ZNF469: variants seen among roughly 807,000 people sequenced by gnomAD.
ZNF469 encodes the protein zinc finger protein 469.
A neutral mutation model predicts 1.0 loss-of-function variants in ZNF469; 1 was observed. The ratio of observed to expected loss-of-function variants is 1.00; its 90% CI spans 0.35 to 4.73. ZNF469 has a LOEUF of 4.73. Among genes scored for constraint, ZNF469 ranks in the 30% most tolerant of loss-of-function variants. ZNF469 has a pLI of 0.16. For missense variants in ZNF469, 6,100 were observed against 5,356.3 expected, an observed-to-expected ratio of 1.14 and a Z score of -4.33; for synonymous variants, 2,703 against 2,363.4, an observed-to-expected ratio of 1.14 and a Z score of -4.17.
chr16:88,193,132 ATGG>A, the ZNF469 span, among the ~76,000 whole-genome samples: 14 of 14,556 alleles, frequency 9.6e-4, no homozygotes, highest in African/African-American at 2.9e-3. Flanking sequence ...GGTGGTGGTG[ATGG>A]TGGTGATGGT....
chr16:88,427,987 C>A lies in ZNF469; in HGVS notation c.517C>A (p.Pro173Thr). ...RPGLPRTEAQ[P>T]AAEELGFHRC... ...GGGCCTCCCAAGGACTGAGGCCCAA[C>A]CCGCCGCCGAAGAGCTTGGCTTCCA... is the stretch of plus-strand genomic sequence containing the variant. Residue 173 changes from proline (P) to threonine (T), a missense_variant, in exon 3 of 3, where the codon CCC (proline) becomes ACC (threonine). Transcript: ENST00000565624. 6.5e-7 allele frequency: 1 copy of A among 1,550,016 alleles called. No individual in the cohort carries two copies. Among genetic ancestry groups the A allele is most frequent in the Non-Finnish European group, 8.7e-7 (1 of 1,146,890 alleles).
chr16:88,210,141 GTGATAT>G, the ZNF469 span, among the ~76,000 whole-genome samples: 1 of 152,098 alleles, frequency 6.6e-6, no homozygotes, highest in Admixed American at 6.5e-5. Context: ...TCTGTTTTGA[GTGATAT>G]TGAGCCATTT....
the ZNF469 span, among the ~76,000 whole-genome samples, chr16:88,218,805 T>TTTATTGAA: frequency 0.014 from 2,076 of 151,514 alleles, 39 homozygotes; most frequent in South Asian, 0.052. Flanking sequence ...AGGTATTCAA[T>TTTATTGAA]TAGGAAAAGA....
At chr16:88,321,127 C>T in the ZNF469 span, among the ~76,000 whole-genome samples, 5 of 152,242 alleles carry the variant, frequency 3.3e-5, no homozygotes, top group African/African-American at 1.2e-4. Context: ...CCGGGGATGC[C>T]GCAGGGACCA....
chr16:88,121,390 G>A, the ZNF469 span, among the ~76,000 whole-genome samples: 11 of 152,196 alleles, frequency 7.2e-5, no homozygotes, highest in African/African-American at 2.7e-4. Flanking sequence ...AGCCGCTGTC[G>A]CCAGCGCTGT....
the ZNF469 span, among the ~76,000 whole-genome samples, chr16:88,223,679 A>G: frequency 6.6e-6 from 1 of 152,202 alleles, no homozygotes; most frequent in African/African-American, 2.4e-5. Flanking sequence ...TGCTGAAGGA[A>G]TGTGGGGACA....
chr16:88,371,972 CCACCATCATCACCATCACCATCACCAT>C, the ZNF469 span, among the ~76,000 whole-genome samples: 55 of 23,220 alleles, frequency 2.4e-3, no homozygotes, highest in African/African-American at 9.1e-3. Context: ...ATCACCATCA[CCACCATCATCACCATCACCATCACCAT>C]CATCACCATC....
chr16:88,322,465 C>T, the ZNF469 span, among the ~76,000 whole-genome samples: 4 of 152,226 alleles, frequency 2.6e-5, no homozygotes, highest in East Asian at 1.9e-4. Flanking sequence ...GCTCCACAGC[C>T]GCAGCCACCC....
At chr16:88,315,707 C>T in the ZNF469 span, among the ~76,000 whole-genome samples, 2 of 152,148 alleles carry the variant, frequency 1.3e-5, no homozygotes, top group South Asian at 2.1e-4. Flanking sequence ...CTCACTCAGC[C>T]GATCAGCTTC....
upstream of ZNF469, among the ~76,000 whole-genome samples, chr16:88,381,342 A>AC: frequency 1.4e-5 from 2 of 141,332 alleles, no homozygotes; most frequent in Admixed American, 6.9e-5. Context: ...ACTCGCACAC[A>AC]GACACACACT....
chr16:88,204,131 C>T, the ZNF469 span, among the ~76,000 whole-genome samples: 191 of 142,446 alleles, frequency 1.3e-3, 1 homozygote, highest in African/African-American at 4.6e-3. Flanking sequence ...CAGCCGGAGG[C>T]GCTCCGTAAC....
chr16:88,108,721 A>G, the ZNF469 span, among the ~76,000 whole-genome samples: 2 of 152,052 alleles, frequency 1.3e-5, no homozygotes, highest in African/African-American at 4.8e-5. Context: ...TGCCCACTGT[A>G]TGGGGGGCCA....
At chr16:88,367,470 A>T in the ZNF469 span, among the ~76,000 whole-genome samples, 997 of 152,320 alleles carry the variant, frequency 6.5e-3, 14 homozygotes, top group African/African-American at 0.021. Context: ...ATCCTTCGCC[A>T]CCTTTTCCCA....
the ZNF469 span, among the ~76,000 whole-genome samples, chr16:88,244,076 G>C: frequency 6.9e-6 from 1 of 145,648 alleles, no homozygotes; most frequent in Non-Finnish European, 1.5e-5. Flanking sequence ...TGGATGAATG[G>C]ATGGATGGAT....
Position 88,432,672 on chromosome 16 carries a change from T to C in ZNF469, c.5202T>C (p.Asp1734=). Residue 1734 remains aspartate (D), a synonymous_variant, in exon 3 of 3, where the codon GAT becomes GAC. Transcript: ENST00000565624. ...GCAAGCAGCCTGGCCCACAGCTGGA[T>C]GCCGGGAGTTTAGCAAAGTGCAGCC... ...EPSKQPGPQL[D]AGSLAKCSPD... is the part of the protein sequence containing the mutation. 4 of 1,550,424 alleles carry C rather than the reference T, an allele frequency of 2.6e-6. No individual in the cohort carries two copies. Among genetic ancestry groups the C allele is most frequent in the Non-Finnish European group, 3.5e-6 (4 of 1,146,984 alleles).
chr16:88,223,868 C>T, the ZNF469 span, among the ~76,000 whole-genome samples: 16 of 152,246 alleles, frequency 1.1e-4, no homozygotes, highest in Non-Finnish European at 2.2e-4. Context: ...GCGCAGGCCT[C>T]GCCTGTCTTA....
the ZNF469 span, among the ~76,000 whole-genome samples, chr16:88,166,542 C>A: frequency 6.6e-6 from 1 of 152,214 alleles, no homozygotes; most frequent in Non-Finnish European, 1.5e-5. This position sits in a 1 kb window ranked among gnomAD's most constrained non-coding sequence, Gnocchi z 4.5. Flanking sequence ...TCCCTCCCCA[C>A]TCTTCCCAGC....
At chr16:88,128,744 G>C in the ZNF469 span, among the ~76,000 whole-genome samples, 1 of 152,260 alleles carries the variant, frequency 6.6e-6, no homozygotes. Flanking sequence ...GGCAAGAGCT[G>C]GGGCCCTCCC....
the ZNF469 span, among the ~76,000 whole-genome samples, chr16:88,247,620 TTGAA>T: frequency 9.1e-3 from 713 of 78,270 alleles, 2 homozygotes; most frequent in Non-Finnish European, 0.013. Flanking sequence ...GAATGTTTGA[TTGAA>T]TGAGTGAGAG....
Sources: allele counts gnomAD v4.1 joint callset (sites outside exome capture counted in the v4.1 genomes callset), GRCh38; gene constraint gnomAD v4.1.1; non-coding constraint Gnocchi (gnomAD v3.1); transcripts MANE v1.5; gene names NCBI Gene and HGNC (gene_info 2026-07-23, HGNC 2026-07-21).